TANGO6: variants seen among roughly 807,000 people sequenced by gnomAD.
The protein encoded by TANGO6 is transport and golgi organization 6 homolog.
Under a neutral mutation model 114.2 loss-of-function variants are expected in TANGO6, and 90 were observed. The observed-to-expected ratio is 0.79, with a 90% CI of 0.66 to 0.94. The LOEUF is 0.94. Ranked by LOEUF, TANGO6 falls within the 40% of genes least tolerant of loss-of-function variation. The pLI is 0.00. For synonymous variants in TANGO6, 477 were observed against 509.8 expected (o/e 0.94, Z 0.87); for missense variants, 1,274 against 1,315.3 (o/e 0.97, Z 0.49).
At chr16:69,015,110 T>C (rs1959271026) in intron 15 of TANGO6, among the ~76,000 whole-genome samples, 1 of 151,966 alleles carries the variant, frequency 6.6e-6, no homozygotes, top group African/African-American at 2.4e-5. Context: ...GGAGGGAAGA[T>C]TAGTCAGAGG....
intron 7 of TANGO6, among the ~76,000 whole-genome samples, chr16:68,898,107 G>A (rs948475016): frequency 1.1e-4 from 16 of 151,974 alleles, no homozygotes; most frequent in African/African-American, 3.9e-4. Flanking sequence ...GAGAACACAG[G>A]ATCCAAAGCC....
At chr16:69,029,516 G>T (rs1013815359) in intron 16 of TANGO6, among the ~76,000 whole-genome samples, 4 of 151,930 alleles carry the variant, frequency 2.6e-5, no homozygotes, top group Non-Finnish European at 5.9e-5. Flanking sequence ...TTCCATTCTA[G>T]AGAGAGTAGA....
intron 14 of TANGO6, among the ~76,000 whole-genome samples, chr16:68,932,306 G>A (rs904623013): frequency 6.6e-6 from 1 of 151,890 alleles, no homozygotes; most frequent in African/African-American, 2.4e-5. Flanking sequence ...GGTCAGGCTG[G>A]TCTCGAACTC....
intron 10 of TANGO6, among the ~76,000 whole-genome samples, chr16:68,908,431 T>C (rs1962881125): frequency 1.3e-5 from 2 of 152,078 alleles, no homozygotes; most frequent in African/African-American, 4.8e-5. Flanking sequence ...TCCCAGCACT[T>C]TGGGAGGCCG....
rs746976251 is a variant in TANGO6 at position 68,860,177 on chromosome 16, C to G, written c.388C>G (p.Pro130Ala). ...CAACCCTAGGACTCCGGAAGTTGCTCCTGCCCTGAGCCCCGATGCACTTAG... is the reference window on the plus strand; with the variant it reads ...CAACCCTAGGACTCCGGAAGTTGCTGCTGCCCTGAGCCCCGATGCACTTAG... ...KPNPRTPEVA[P>A]ALSPDALSIS... is the part of the protein sequence containing the mutation. Residue 130 changes from proline (P) to alanine (A), a missense_variant, in exon 2 of 18, where the codon CCT becomes GCT. Pro to Ala is a conservative substitution (Grantham distance 27). Coordinates refer to ENST00000261778, the MANE Select transcript of TANGO6 (RefSeq NM_024562.2). 6.2e-7 allele frequency: 1 copy of G among 1,613,894 alleles called. No homozygotes were observed. Among genetic ancestry groups the G allele is most frequent in the Admixed American group, 1.7e-5 (1 of 60,004 alleles).
intron 17 of TANGO6, among the ~76,000 whole-genome samples, chr16:69,082,253 G>A (rs935662354): frequency 6.6e-6 from 1 of 152,084 alleles, no homozygotes; most frequent in Non-Finnish European, 1.5e-5. Flanking sequence ...CCAAAGTGCT[G>A]GGACTACAAA....
At chr16:68,963,621 G>C (rs960791490) in intron 14 of TANGO6, among the ~76,000 whole-genome samples, 7 of 152,216 alleles carry the variant, frequency 4.6e-5, no homozygotes, top group African/African-American at 1.4e-4. Context: ...ACACATAGGT[G>C]CACACGCATA....
intron 17 of TANGO6, among the ~76,000 whole-genome samples, chr16:69,058,248 C>A (rs1960063164): frequency 1.3e-5 from 2 of 152,260 alleles, no homozygotes; most frequent in Admixed American, 6.5e-5. Flanking sequence ...TTGCTCATCA[C>A]CCCATGGATT....
intron 1 of TANGO6, among the ~76,000 whole-genome samples, chr16:68,852,284 A>G (rs1961914128): frequency 6.6e-6 from 1 of 152,166 alleles, no homozygotes; most frequent in African/African-American, 2.4e-5. Flanking sequence ...ATTAGACCAT[A>G]ATTTACTCAA....
At chr16:68,906,864 G>T (rs954158293) in intron 9 of TANGO6, among the ~76,000 whole-genome samples, 2 of 150,978 alleles carry the variant, frequency 1.3e-5, no homozygotes, top group African/African-American at 2.4e-5. Flanking sequence ...CACAATCTCG[G>T]CTCACTGCAC....
chr16:68,857,875 T>C (rs947863536), intron 1 of TANGO6, among the ~76,000 whole-genome samples: 2 of 152,226 alleles, frequency 1.3e-5, no homozygotes, highest in Non-Finnish European at 2.9e-5. Context: ...GGGATATTGA[T>C]CAGTAATTTT....
chr16:68,979,551 T>G (rs2152214514), intron 15 of TANGO6, among the ~76,000 whole-genome samples: 1 of 152,134 alleles, frequency 6.6e-6, no homozygotes, highest in Non-Finnish European at 1.5e-5. Context: ...TTGAAGATAT[T>G]TGTTGCTAAA....
At chr16:68,960,751 A>G (rs1397529858) in intron 14 of TANGO6, among the ~76,000 whole-genome samples, 1 of 152,038 alleles carries the variant, frequency 6.6e-6, no homozygotes, top group Non-Finnish European at 1.5e-5. Context: ...CACCCACCTC[A>G]ACCTCCCATA....
chr16:68,925,655 C>A (rs1421878765), intron 12 of TANGO6, among the ~76,000 whole-genome samples: 5 of 151,938 alleles, frequency 3.3e-5, no homozygotes, highest in Non-Finnish European at 5.9e-5. Flanking sequence ...ATAGATCATG[C>A]CTTTGCTGTT....
chr16:68,965,705 G>A (rs2152210412), intron 14 of TANGO6, among the ~76,000 whole-genome samples: 1 of 152,094 alleles, frequency 6.6e-6, no homozygotes, highest in South Asian at 2.1e-4. Context: ...GGAGGCTGAG[G>A]CAGGAAGATT....
chr16:68,933,569 G>T (rs1391467058), intron 14 of TANGO6, among the ~76,000 whole-genome samples: 1 of 152,238 alleles, frequency 6.6e-6, no homozygotes, highest in Non-Finnish European at 1.5e-5. Flanking sequence ...AGCTGTGGTA[G>T]CTGTGCTTCA....
chr16:69,056,889 C>T (rs1335210943), intron 17 of TANGO6, among the ~76,000 whole-genome samples: 3 of 151,754 alleles, frequency 2.0e-5, no homozygotes, highest in Non-Finnish European at 4.4e-5. Flanking sequence ...ACCGTGTTAG[C>T]CAGGATGGTC....
chr16:68,846,752 G>A (rs980012766), intron 1 of TANGO6: 8 of 151,972 alleles, frequency 5.3e-5, no homozygotes, highest in African/African-American at 1.5e-4. Context: ...TAATCCTCCC[G>A]CCTCGGCCTC....
chr16:68,878,336 T>G (rs1962402178), intron 6 of TANGO6, 56 bp downstream of exon 6: 1 of 1,522,574 alleles, frequency 6.6e-7, no homozygotes, highest in Non-Finnish European at 8.8e-7. Flanking sequence ...CTTCAGTATT[T>G]CACGTTGAAA....
Sources: gnomAD v4.1 joint callset for allele counts (sites outside exome capture counted in the v4.1 genomes callset) on GRCh38, gnomAD v4.1.1 for gene constraint, MANE v1.5 for transcripts, NCBI Gene and HGNC (gene_info 2026-07-23, HGNC 2026-07-21) for gene names.